KCNK9: variants seen among roughly 807,000 people sequenced by gnomAD.
KCNK9 encodes the protein potassium two pore domain channel subfamily K member 9.
In KCNK9, 1 loss-of-function variant was observed where a neutral mutation model predicts 10.8. The observed-to-expected ratio is 0.09, with a 90% confidence interval of 0.03 to 0.44. KCNK9 has a LOEUF of 0.44. KCNK9 is among the 20% of genes least tolerant of loss of function. The pLI, the probability that KCNK9 is intolerant of heterozygous loss-of-function variation, is 0.97. For missense variants in KCNK9, 303 were observed against 515.0 expected (o/e 0.59, Z 3.98); for synonymous variants, 231 against 222.7 (o/e 1.04, Z -0.33).
In KCNK9 at chr8:139,648,152, G is replaced by C. The variant is rs116671308; in HGVS notation, c.284-29053C>G. ...CCTCGAAAACCTAATGCTCAGTGAA[G>C]AAAGCCACACATGAAAGGTTGCCTA... On this transcript the variant is annotated intron_variant, in intron 1 of 1. Transcript: ENST00000520439. 5.7e-3 allele frequency among the ~76,000 whole-genome samples: 870 copies of C among 152,286 alleles called. 7 individuals carry two copies. The highest frequency in any genetic ancestry group is 0.02 in the African/African-American group (830 of 41,550).
intron 1 of KCNK9, among the ~76,000 whole-genome samples, chr8:139,692,202 G>T (rs573529943): frequency 2.6e-5 from 4 of 152,186 alleles, no homozygotes; most frequent in Non-Finnish European, 4.4e-5. Context: ...CCTGCCCCAC[G>T]CTTCGCAACC....
intron 1 of KCNK9, among the ~76,000 whole-genome samples, chr8:139,681,417 G>A (rs1287863552): frequency 1.3e-5 from 2 of 152,202 alleles, no homozygotes; most frequent in Non-Finnish European, 2.9e-5. Context: ...CCATGTCAAG[G>A]CACCAGCAGC....
At position 139,618,088 on chromosome 8, in the gene KCNK9, G is replaced by T. The variant is rs1238717549; in HGVS notation, c.*170C>A. ...ATTTCCCTTTGGCCTGCTCTGTCTG[G>T]CTGGAAAGGTGGGGGAAAATGAGAC... On this transcript the variant is annotated 3_prime_UTR_variant, in exon 2 of 2. Coordinates refer to ENST00000520439, the MANE Select transcript of KCNK9 (RefSeq NM_001282534.2). The surrounding 1 kb of genome is among the most constrained non-coding windows in gnomAD (Gnocchi z 7.9). 1.1e-6 allele frequency: 1 copy of T among 895,166 alleles called. No individual in the cohort carries two copies. Among genetic ancestry groups the T allele is most frequent in the Non-Finnish European group, 1.7e-6 (1 of 593,378 alleles). 55.5% of individuals were successfully genotyped at this position (895,166 alleles called of 1,614,324 possible). A position where few individuals can be genotyped will look rare whatever the true frequency, so the allele number is the denominator to read the frequency against.
downstream of KCNK9, among the ~76,000 whole-genome samples, chr8:139,610,665 G>T (rs1048394982): frequency 5.9e-5 from 9 of 152,180 alleles, no homozygotes; most frequent in Non-Finnish European, 1.3e-4. Context: ...TTTTATTATG[G>T]GGGGAGGACC....
rs58707305 is a variant in KCNK9 at position 139,648,578 on chromosome 8, C to T, written c.284-29479G>A. ...CCAGCATACAAATTCAGGAACTCGC[C>T]GGTCCCTGACTATTGATCATAAAAC... On this transcript the variant is annotated intron_variant, in intron 1 of 1. Coordinates refer to ENST00000520439, the MANE Select transcript of KCNK9 (RefSeq NM_001282534.2). 9.1e-3 allele frequency among the ~76,000 whole-genome samples: 1,384 copies of T among 152,314 alleles called. 20 individuals carry two copies. Among genetic ancestry groups the T allele is most frequent in the African/African-American group, 0.032 (1,323 of 41,568 alleles).
chr8:139,660,449 A>AAATAT (rs56898839), intron 1 of KCNK9, among the ~76,000 whole-genome samples: 19 of 131,192 alleles, frequency 1.4e-4, no homozygotes, highest in African/African-American at 4.6e-4. Context: ...GCTAAAAAAA[A>AAATAT]ATATATATAT....
At chr8:139,685,466 T>C (rs1021274514) in intron 1 of KCNK9, among the ~76,000 whole-genome samples, 3 of 152,168 alleles carry the variant, frequency 2.0e-5, no homozygotes, top group Admixed American at 1.3e-4. Context: ...CAGTGTGTAA[T>C]GTTCCCTTCC....
At chr8:139,643,946 C>T (rs938137391) in intron 1 of KCNK9, among the ~76,000 whole-genome samples, 23 of 152,294 alleles carry the variant, frequency 1.5e-4, no homozygotes, top group Non-Finnish European at 2.8e-4. Context: ...TCTCTGGTCC[C>T]GGGGTGGTGT....
chr8:139,653,240 C>T (rs1815921244), intron 1 of KCNK9, among the ~76,000 whole-genome samples: 1 of 152,154 alleles, frequency 6.6e-6, no homozygotes, highest in African/African-American at 2.4e-5. Flanking sequence ...TGAATTTTAT[C>T]ATAAGATGCC....
At chr8:139,633,531 C>G (rs778168758) in intron 1 of KCNK9, among the ~76,000 whole-genome samples, 4 of 152,108 alleles carry the variant, frequency 2.6e-5, no homozygotes, top group African/African-American at 9.7e-5. Flanking sequence ...GACCTCCTTC[C>G]GAAAATGCTG....
At chr8:139,629,686 A>G (rs113944717) in intron 1 of KCNK9, among the ~76,000 whole-genome samples, 87 of 152,046 alleles carry the variant, frequency 5.7e-4, no homozygotes, top group African/African-American at 2.1e-3. Context: ...AAGGGGGGGA[A>G]GATGCAGTTT....
chr8:139,671,584 C>A (rs969248093), intron 1 of KCNK9, among the ~76,000 whole-genome samples: 3 of 150,218 alleles, frequency 2.0e-5, no homozygotes, highest in African/African-American at 7.4e-5. Flanking sequence ...AATCTCAGCT[C>A]ACTGCAACCT....
At chr8:139,656,769 C>T (rs113284047) in intron 1 of KCNK9, among the ~76,000 whole-genome samples, 143 of 152,340 alleles carry the variant, frequency 9.4e-4, no homozygotes, top group African/African-American at 3.3e-3. Context: ...CCCAGGCCAC[C>T]GTGATCTCTC....
intron 1 of KCNK9, among the ~76,000 whole-genome samples, chr8:139,698,896 G>A (rs1586700921): frequency 6.6e-6 from 1 of 152,312 alleles, no homozygotes. Flanking sequence ...TGGGAGCAAG[G>A]CACCTCCAGG....
At chr8:139,697,257 G>C (rs1017723587) in intron 1 of KCNK9, among the ~76,000 whole-genome samples, 6 of 151,124 alleles carry the variant, frequency 4.0e-5, no homozygotes, top group Admixed American at 3.3e-4. Context: ...ATGGGTGAAT[G>C]GTGGATGGAT....
At chr8:139,673,936 C>T (rs1489151938) in intron 1 of KCNK9, among the ~76,000 whole-genome samples, 2 of 152,114 alleles carry the variant, frequency 1.3e-5, no homozygotes, top group Non-Finnish European at 2.9e-5. Context: ...GCTCCAGCCA[C>T]GGCAGCCCCG....
At chr8:139,622,228 C>T (rs767029772) in intron 1 of KCNK9, among the ~76,000 whole-genome samples, 3 of 152,204 alleles carry the variant, frequency 2.0e-5, no homozygotes, top group Non-Finnish European at 2.9e-5. Flanking sequence ...GGGTCTTCCC[C>T]ATTAACACAT....
At chr8:139,692,440 C>A (rs904022362) in intron 1 of KCNK9, among the ~76,000 whole-genome samples, 5 of 152,198 alleles carry the variant, frequency 3.3e-5, no homozygotes, top group Non-Finnish European at 7.3e-5. Flanking sequence ...AAACACTCTG[C>A]CGTTGCTTGC....
At chr8:139,665,365 G>A (rs889833102) in intron 1 of KCNK9, among the ~76,000 whole-genome samples, 1 of 152,092 alleles carries the variant, frequency 6.6e-6, no homozygotes, top group African/African-American at 2.4e-5. Flanking sequence ...GAACTCTCCT[G>A]ACTCTACCCT....
Sources: allele counts gnomAD v4.1 joint callset (sites outside exome capture counted in the v4.1 genomes callset), GRCh38; gene constraint gnomAD v4.1.1; non-coding constraint Gnocchi (gnomAD v3.1); transcripts MANE v1.5; gene names NCBI Gene and HGNC (gene_info 2026-07-23, HGNC 2026-07-21).